Variants in RYR3 observed in about 807,000 individuals in gnomAD.
RYR3 encodes ryanodine receptor 3.
A neutral mutation model predicts 584.3 loss-of-function variants in RYR3; 207 were observed. That is an observed-to-expected ratio of 0.35 (90% CI 0.32 to 0.40). RYR3 has a LOEUF of 0.40. Among genes scored for constraint, RYR3 ranks in the 10% least tolerant of loss-of-function variants. The pLI, the probability that RYR3 is intolerant of heterozygous loss-of-function variation, is 1.00. For synonymous variants in RYR3, 2,416 were observed against 2,248.5 expected (o/e 1.07, Z -2.11); for missense variants, 5,616 against 6,089.2 (o/e 0.92, Z 2.59).
intron 48 of RYR3, among the ~76,000 whole-genome samples, chr15:33,732,802 A>G (rs1860373561): frequency 6.6e-6 from 1 of 152,190 alleles, no homozygotes; most frequent in Non-Finnish European, 1.5e-5. Flanking sequence ...TTCCCAAGTG[A>G]TTCCAATATG....
chr15:33,731,426 C>A, intron 47 of RYR3, 48 bp from the exon 48 acceptor site: 1 of 1,409,440 alleles, frequency 7.1e-7, no homozygotes. Context: ...GCCAGCTTTG[C>A]TCTGTTCCTC....
At chr15:33,632,422 C>A (rs1416830503) in intron 23 of RYR3, among the ~76,000 whole-genome samples, 1 of 152,256 alleles carries the variant, frequency 6.6e-6, no homozygotes, top group Non-Finnish European at 1.5e-5. Flanking sequence ...TTGGACTGGA[C>A]AGCTAACTGC....
chr15:33,458,452 C>T (rs2047742885), intron 1 of RYR3, among the ~76,000 whole-genome samples: 1 of 152,214 alleles, frequency 6.6e-6, no homozygotes. Context: ...CCTGCAGAGG[C>T]CACGTCGTGG....
In RYR3 at chr15:33,670,471, A is replaced by C. The variant is rs780387381; in HGVS notation, c.5775A>C (p.Gly1925=). The C allele has an allele frequency of 6.2e-7, 1 of 1,612,594 alleles. No homozygotes were observed. The highest frequency in any genetic ancestry group is 8.5e-7 in the Non-Finnish European group (1 of 1,179,434). The stretch of plus-strand genomic sequence containing the variant: ...AGGAGGAGGACACCTCCTGGACAGG[A>C]AAACTCTGTGCCTTGGTTTACAAAA... ...EEEEEDTSWT[G]KLCALVYKIK... The change falls in exon 38 of 104, where the codon GGA becomes GGC. Residue 1925 remains glycine, a synonymous_variant. Transcript: ENST00000634891.
intron 1 of RYR3, among the ~76,000 whole-genome samples, chr15:33,380,996 C>G (rs1341067255): frequency 6.6e-6 from 1 of 152,194 alleles, no homozygotes; most frequent in Admixed American, 6.5e-5. Flanking sequence ...TTCATCACCT[C>G]GAAGGATCAA....
intron 102 of RYR3, among the ~76,000 whole-genome samples, chr15:33,862,764 C>T (rs1220249448): frequency 1.3e-5 from 2 of 152,076 alleles, no homozygotes; most frequent in Non-Finnish European, 2.9e-5. Flanking sequence ...GCACCTGCCA[C>T]CATCCTGGGC....
Position 33,837,953 on chromosome 15 carries a change from G to A in RYR3, c.11973G>A (p.Gly3991=), listed in dbSNP as rs765436407. The change falls in exon 89 of 104, where the codon GGG becomes GGA. Residue 3991 remains glycine, a synonymous_variant. Coordinates refer to ENST00000634891, the MANE Select transcript of RYR3 (RefSeq NM_001036.6). The part of the protein sequence containing the change: ...DRFHEPAKDI[G]FNVAVLLTNL... ...TCCATGAGCCAGCCAAGGACATAGG[G>A]TTTAATGTGGCTGTGTTATTGACAA... 7.4e-6 allele frequency: 12 copies of A among 1,614,020 alleles called. No homozygotes were observed. Among genetic ancestry groups the A allele is most frequent in the East Asian group, 2.2e-5 (1 of 44,880 alleles).
At chr15:33,749,652 A>ACCT in intron 55 of RYR3, among the ~76,000 whole-genome samples, 1 of 152,214 alleles carries the variant, frequency 6.6e-6, no homozygotes, top group South Asian at 2.1e-4. Flanking sequence ...GGTCAGGAGT[A>ACCT]CAATACCAAG....
intron 65 of RYR3, among the ~76,000 whole-genome samples, chr15:33,783,617 C>A (rs1281042769): frequency 2.0e-5 from 3 of 152,202 alleles, no homozygotes; most frequent in Non-Finnish European, 1.5e-5. Context: ...TAAACAAACG[C>A]ACCTGAGCCT....
At chr15:33,451,413 A>C (rs1023315019) in intron 1 of RYR3, among the ~76,000 whole-genome samples, 1 of 152,170 alleles carries the variant, frequency 6.6e-6, no homozygotes, top group East Asian at 1.9e-4. Flanking sequence ...CACTGGCTGC[A>C]TAGCTCTGTT....
rs1567047034 is a variant in RYR3 at position 33,336,477 on chromosome 15, AGAGAGAG to A, written c.51+25382_51+25388del. On this transcript the variant is annotated intron_variant, in intron 1 of 103. Transcript: ENST00000634891. ...GAGAGAGAGAGAGAGAGAGAGAGAG[AGAGAGAG>A]AGAAAGAAAGAAAGAAAGAAGGAGG... 2.6e-4 allele frequency among the ~76,000 whole-genome samples: 7 copies of A among 26,986 alleles called. 2 individuals are homozygous for A. Among genetic ancestry groups the A allele is most frequent in the African/African-American group, 2.1e-3 (7 of 3,364 alleles). 17.7% of individuals were successfully genotyped at this position (26,986 alleles called of 152,430 possible). A position where few individuals can be genotyped will look rare whatever the true frequency, so the allele number is the denominator to read the frequency against.
intron 1 of RYR3, among the ~76,000 whole-genome samples, chr15:33,398,062 A>G (rs1432954710): frequency 2.0e-5 from 3 of 152,362 alleles, no homozygotes; most frequent in Middle Eastern, 3.4e-3. Flanking sequence ...ATATATTTCA[A>G]TTATTTTCTA....
intron 85 of RYR3, 128 bp downstream of exon 85, chr15:33,827,415 T>C (rs2077435367): frequency 1.3e-6 from 1 of 758,836 alleles, no homozygotes; most frequent in African/African-American, 1.8e-5. Flanking sequence ...GTAACGTGTA[T>C]CCACAGATGC....
At chr15:33,828,252 TCTC>T (rs776885810) in intron 85 of RYR3, among the ~76,000 whole-genome samples, 5 of 152,138 alleles carry the variant, frequency 3.3e-5, no homozygotes, top group East Asian at 3.8e-4. Flanking sequence ...TCTCCCTCCT[TCTC>T]CTCAGGCCTT....
At chr15:33,693,346 C>T (rs747262478) in intron 38 of RYR3, among the ~76,000 whole-genome samples, 13 of 152,244 alleles carry the variant, frequency 8.5e-5, no homozygotes, top group Non-Finnish European at 1.2e-4. Flanking sequence ...CGGCCCTTTG[C>T]GCTGCTCAGT....
intron 1 of RYR3, among the ~76,000 whole-genome samples, chr15:33,334,947 A>G (rs1021120822): frequency 1.3e-5 from 2 of 152,256 alleles, no homozygotes; most frequent in Non-Finnish European, 2.9e-5. Flanking sequence ...ACTGATCATT[A>G]GAGAAAAATG....
At chr15:33,849,978 C>G (rs754971491) in intron 94 of RYR3, 9 of 152,170 alleles carry the variant, frequency 5.9e-5, no homozygotes, top group Non-Finnish European at 8.8e-5. Flanking sequence ...TTACAGAAGT[C>G]TTAGACACTA....
chr15:33,561,043 A>T lies in RYR3; in HGVS notation c.973-1794A>T, dbSNP rs567281055. 3.3e-5 allele frequency among the ~76,000 whole-genome samples: 5 copies of T among 152,348 alleles called. No individual in the cohort carries two copies. The South Asian group carries it at 1.0e-3, about 32-fold the overall frequency. On this transcript the variant is annotated intron_variant, in intron 10 of 103. Transcript: ENST00000634891. The stretch of plus-strand genomic sequence containing the variant: ...TGCTGTGCGAAATAATTTTGTTTTT[A>T]TGAAAGCTTGAAGGAAAATAAGAGT...
In RYR3 at chr15:33,838,175, G is replaced by A. The variant is rs754978549; in HGVS notation, c.12195G>A (p.Lys4065=). The change falls in exon 89 of 104, where the codon AAG becomes AAA. Residue 4065 remains lysine (K), a synonymous_variant. Coordinates refer to ENST00000634891, the MANE Select transcript of RYR3 (RefSeq NM_001036.6). ...QWEKPQVKES[K]RQFIFDVVNE... Reference sequence around the variant, plus strand: ...AGAAGCCCCAGGTGAAGGAATCTAAGCGACAGTTCATTTTTGATGTTGTCA... The same window carrying A: ...AGAAGCCCCAGGTGAAGGAATCTAAACGACAGTTCATTTTTGATGTTGTCA... 1 of 1,614,006 alleles carries A rather than the reference G, an allele frequency of 6.2e-7. No homozygotes were observed. Among genetic ancestry groups the A allele is most frequent in the Non-Finnish European group, 8.5e-7 (1 of 1,179,896 alleles).
Sources: gnomAD v4.1 joint callset for allele counts (sites outside exome capture counted in the v4.1 genomes callset) on GRCh38, gnomAD v4.1.1 for gene constraint, MANE v1.5 for transcripts, NCBI Gene and HGNC (gene_info 2026-07-23, HGNC 2026-07-21) for gene names.